Variants in NUP210L observed in about 807,000 individuals in gnomAD.
NUP210L encodes the protein nuclear pore membrane glycoprotein 210-like.
NUP210L carries 74 observed loss-of-function variants against 208.5 expected under a neutral mutation model. The observed-to-expected ratio is 0.35, with a 90% confidence interval of 0.29 to 0.43. The LOEUF is 0.43. Ranked by LOEUF, NUP210L falls within the 20% of genes least tolerant of loss-of-function variation. The pLI, the probability that NUP210L is intolerant of heterozygous loss-of-function variation, is 1.00. For missense variants in NUP210L, 1,843 were observed against 2,289.4 expected, an observed-to-expected ratio of 0.81 and a Z score of 3.98; for synonymous variants, 780 against 816.9, an observed-to-expected ratio of 0.95 and a Z score of 0.77.
At chr1:154,063,641 A>G (rs925180235) in intron 17 of NUP210L, among the ~76,000 whole-genome samples, 4 of 152,200 alleles carry the variant, frequency 2.6e-5, no homozygotes, top group African/African-American at 9.7e-5. Flanking sequence ...AATTATAGTA[A>G]GAACTAAATA....
At chr1:154,136,932 A>AG (rs1034849702) in intron 6 of NUP210L, among the ~76,000 whole-genome samples, 2 of 151,358 alleles carry the variant, frequency 1.3e-5, no homozygotes, top group African/African-American at 4.8e-5. Context: ...AAAAAAAAAA[A>AG]AAAAAAAAGC....
intron 33 of NUP210L, among the ~76,000 whole-genome samples, chr1:154,016,554 T>C (rs1452440531): frequency 4.0e-5 from 6 of 151,638 alleles, no homozygotes; most frequent in Non-Finnish European, 7.4e-5. Context: ...AAAAAAAAAA[T>C]CCACAAAACA....
intron 16 of NUP210L, among the ~76,000 whole-genome samples, chr1:154,083,130 T>G (rs1324677771): frequency 2.0e-5 from 3 of 152,180 alleles, no homozygotes; most frequent in Non-Finnish European, 2.9e-5. Context: ...CCGAGCAGGT[T>G]GCCACTGTCG....
chr1:154,068,953 T>C (rs1336597586), intron 17 of NUP210L, among the ~76,000 whole-genome samples: 3 of 152,024 alleles, frequency 2.0e-5, no homozygotes, highest in Admixed American at 6.6e-5. Flanking sequence ...TGTGCACATG[T>C]ACCCTAAAAC....
intron 15 of NUP210L, 76 bp from the exon 16 acceptor site, chr1:154,089,670 G>A: frequency 8.1e-7 from 1 of 1,238,608 alleles, no homozygotes; most frequent in Non-Finnish European, 1.2e-6. Flanking sequence ...AAATGTGTTA[G>A]AATTATTCAA....
intron 27 of NUP210L, among the ~76,000 whole-genome samples, chr1:154,043,627 C>G (rs1037401038): frequency 7.2e-6 from 1 of 138,638 alleles, no homozygotes; most frequent in Non-Finnish European, 1.6e-5. Context: ...CTGCACCCGG[C>G]CTTTTTTTTT....
intron 3 of NUP210L, among the ~76,000 whole-genome samples, chr1:154,141,982 T>G (rs1417703739): frequency 6.6e-6 from 1 of 152,030 alleles, no homozygotes; most frequent in Non-Finnish European, 1.5e-5. Flanking sequence ...GGCAACATAG[T>G]GACACCTGGT....
intron 12 of NUP210L, among the ~76,000 whole-genome samples, chr1:154,113,259 T>TTTTA (rs1657137306): frequency 6.8e-6 from 1 of 147,420 alleles, no homozygotes; most frequent in Non-Finnish European, 1.5e-5. Context: ...TATAAATACA[T>TTTTA]TATATATATA....
intron 27 of NUP210L, among the ~76,000 whole-genome samples, chr1:154,036,366 CTT>C (rs34750631): frequency 1.0e-3 from 67 of 65,442 alleles, no homozygotes; most frequent in African/African-American, 2.0e-3. Context: ...GTGTGTATAA[CTT>C]TTTTTTTTTT....
intron 16 of NUP210L, among the ~76,000 whole-genome samples, chr1:154,073,210 AACCACAATG>A (rs1654847023): frequency 6.6e-6 from 1 of 152,166 alleles, no homozygotes; most frequent in Admixed American, 6.5e-5. Context: ...TGCACATCAA[AACCACAATG>A]TGATATCACC....
At chr1:154,131,984 A>G (rs1176747397) in intron 7 of NUP210L, among the ~76,000 whole-genome samples, 4 of 151,982 alleles carry the variant, frequency 2.6e-5, no homozygotes, top group Middle Eastern at 3.4e-3. Context: ...TAATTTTTAT[A>G]TTATTAGTAG....
At chr1:154,038,008 C>T (rs113970384) in intron 27 of NUP210L, among the ~76,000 whole-genome samples, 3 of 152,204 alleles carry the variant, frequency 2.0e-5, no homozygotes, top group Non-Finnish European at 4.4e-5. Flanking sequence ...TTTTGTTATT[C>T]GTTTTCTGGT....
intron 17 of NUP210L, among the ~76,000 whole-genome samples, chr1:154,065,998 A>C (rs1654397200): frequency 6.6e-6 from 1 of 152,068 alleles, no homozygotes; most frequent in South Asian, 2.1e-4. Flanking sequence ...ACATGATGGA[A>C]ACTGAACAAC....
chr1:154,005,391 G>A (rs895003233), intron 35 of NUP210L, among the ~76,000 whole-genome samples: 10 of 150,272 alleles, frequency 6.7e-5, no homozygotes, highest in African/African-American at 2.5e-4. Flanking sequence ...ACCAGGCCTG[G>A]CTAATTTTTG....
At chr1:154,133,331 G>A (rs1658354446) in intron 7 of NUP210L, among the ~76,000 whole-genome samples, 1 of 151,954 alleles carries the variant, frequency 6.6e-6, no homozygotes, top group Non-Finnish European at 1.5e-5. Flanking sequence ...CTAGGCAGGA[G>A]GTTCATTTAA....
At chr1:154,113,079 C>T (rs1557984987) in intron 12 of NUP210L, among the ~76,000 whole-genome samples, 1 of 150,450 alleles carries the variant, frequency 6.6e-6, no homozygotes, top group East Asian at 2.0e-4. Context: ...ATTGCTTGAG[C>T]CCAGGAGATG....
At chr1:154,100,739 C>T (rs1364282319) in intron 13 of NUP210L, among the ~76,000 whole-genome samples, 2 of 151,054 alleles carry the variant, frequency 1.3e-5, no homozygotes, top group Non-Finnish European at 2.9e-5. Context: ...ACGCTGGTCT[C>T]GAACTCCTGA....
chr1:154,134,110 A>G lies in NUP210L; in HGVS notation c.1009+1704T>C, dbSNP rs1455349717. ...GGTGGGAGTGAGCAGAAATCGCGCC[A>G]CTGCACTCCAGCTTGGGCAACAAGA... On this transcript the variant is annotated intron_variant, in intron 7 of 39. Coordinates refer to ENST00000368559, the Ensembl canonical transcript of NUP210L. Among the ~76,000 whole-genome samples, 6 of 151,548 alleles carry G rather than the reference A, an allele frequency of 4.0e-5. No individual in the cohort carries two copies. The South Asian group carries it at 6.3e-4, about 16-fold the overall frequency.
intron 13 of NUP210L, among the ~76,000 whole-genome samples, chr1:154,103,620 C>G (rs1200006057): frequency 5.0e-5 from 7 of 139,330 alleles, no homozygotes; most frequent in Non-Finnish European, 1.1e-4. Flanking sequence ...TGCAGTGAGC[C>G]GAGATCGCGC....
Sources: allele counts gnomAD v4.1 joint callset (sites outside exome capture counted in the v4.1 genomes callset), GRCh38; gene constraint gnomAD v4.1.1; transcripts MANE v1.5; gene names NCBI Gene and HGNC (gene_info 2026-07-23, HGNC 2026-07-21).